Variants in PTPRT observed in about 807,000 individuals in gnomAD.
PTPRT encodes the protein protein tyrosine phosphatase receptor type T.
In PTPRT, 56 loss-of-function variants were observed where a neutral mutation model predicts 176.8. The observed-to-expected ratio is 0.32, with a 90% CI of 0.26 to 0.40. PTPRT has a LOEUF of 0.40. PTPRT is among the 10% of genes least tolerant of loss of function. PTPRT has a pLI of 1.00. For missense variants in PTPRT, 1,540 were observed against 1,908.2 expected, an observed-to-expected ratio of 0.81 and a Z score of 3.60; for synonymous variants, 783 against 739.0, an observed-to-expected ratio of 1.06 and a Z score of -0.96.
intron 1 of PTPRT, among the ~76,000 whole-genome samples, chr20:43,159,884 G>C (rs1421844201): frequency 6.6e-6 from 1 of 151,900 alleles, no homozygotes; most frequent in Non-Finnish European, 1.5e-5. Context: ...GGTCAAGATG[G>C]AGTCATTCCT....
intron 6 of PTPRT, among the ~76,000 whole-genome samples, chr20:42,724,960 T>C (rs1473578170): frequency 3.3e-5 from 5 of 152,030 alleles, no homozygotes; most frequent in Admixed American, 1.3e-4. Context: ...CCTTCTGCTA[T>C]GTGAGAGAAT....
At chr20:42,361,642 G>C (rs932246612) in intron 9 of PTPRT, among the ~76,000 whole-genome samples, 8 of 152,128 alleles carry the variant, frequency 5.3e-5, no homozygotes, top group Non-Finnish European at 1.0e-4. Flanking sequence ...AGATGCTCTA[G>C]ATTGACAGCC....
chr20:42,978,189 A>T (rs1216747863), intron 1 of PTPRT, among the ~76,000 whole-genome samples: 1 of 152,186 alleles, frequency 6.6e-6, no homozygotes, highest in Non-Finnish European at 1.5e-5. Context: ...TTTAACTTAT[A>T]AATTAGACAC....
chr20:42,080,855 C>T lies in PTPRT; in HGVS notation c.*24G>A, dbSNP rs73271412. ...CTTGGTCACAGCAGCCTCTGGACTC[C>T]GGCAGGTTCCCCATCCCATTGAGCT... On this transcript the variant is annotated 3_prime_UTR_variant, in exon 31 of 31. Transcript: ENST00000373187. 1,853 of 1,598,294 alleles carry T rather than the reference C, an allele frequency of 1.2e-3. 14 individuals carry two copies. In the African/African-American group the frequency reaches 0.021, roughly 18 times the overall value.
At chr20:42,120,189 G>A (rs542863032) in intron 19 of PTPRT, among the ~76,000 whole-genome samples, 1 of 152,282 alleles carries the variant, frequency 6.6e-6, no homozygotes, top group African/African-American at 2.4e-5. Flanking sequence ...TACTTGTGAG[G>A]TGCCTACATA....
chr20:42,497,497 G>T (rs1380172256), intron 7 of PTPRT, among the ~76,000 whole-genome samples: 2 of 151,872 alleles, frequency 1.3e-5, no homozygotes, highest in African/African-American at 4.8e-5. Flanking sequence ...TGCTCAGGCT[G>T]ACCTCAAACT....
chr20:42,488,125 CCAT>C (rs2071494950), intron 7 of PTPRT, among the ~76,000 whole-genome samples: 1 of 152,098 alleles, frequency 6.6e-6, no homozygotes, highest in African/African-American at 2.4e-5. Flanking sequence ...TGTGTTCTCT[CCAT>C]CATTTATCAA....
chr20:42,183,430 T>C (rs1006948506), intron 16 of PTPRT, among the ~76,000 whole-genome samples: 119 of 152,274 alleles, frequency 7.8e-4, no homozygotes, highest in African/African-American at 2.5e-3. Context: ...GGACTCTGGA[T>C]GTTAGGGAAT....
At chr20:42,744,277 C>T (rs939358020) in intron 6 of PTPRT, among the ~76,000 whole-genome samples, 3 of 152,242 alleles carry the variant, frequency 2.0e-5, no homozygotes, top group Non-Finnish European at 1.5e-5. Flanking sequence ...TCTCTAACCC[C>T]TTCCCATAAC....
chr20:42,183,808 A>G (rs1990618454), intron 16 of PTPRT, among the ~76,000 whole-genome samples: 2 of 152,190 alleles, frequency 1.3e-5, no homozygotes, highest in African/African-American at 4.8e-5. Context: ...ACACAGCAGA[A>G]GTGAAGCTGG....
intron 1 of PTPRT, among the ~76,000 whole-genome samples, chr20:43,131,849 CAAAAT>C (rs1342013245): frequency 1.3e-5 from 2 of 152,148 alleles, no homozygotes; most frequent in Admixed American, 1.3e-4. Context: ...CACAGGCTAT[CAAAAT>C]AAACACCATA....
chr20:42,220,632 G>C (rs2055864084), intron 15 of PTPRT, among the ~76,000 whole-genome samples: 1 of 152,084 alleles, frequency 6.6e-6, no homozygotes, highest in Non-Finnish European at 1.5e-5. Flanking sequence ...AATATAACAT[G>C]AAACATTGTT....
At chr20:42,131,321 C>T (rs896472185) in intron 18 of PTPRT, among the ~76,000 whole-genome samples, 3 of 152,112 alleles carry the variant, frequency 2.0e-5, no homozygotes, top group African/African-American at 7.2e-5. Context: ...AAGCTGTAGG[C>T]CTCAAAAAAG....
rs1173135889 is a variant in PTPRT at position 42,102,125 on chromosome 20, T to C, written c.3713A>G (p.Asp1238Gly). The change falls in exon 26 of 31, where the codon GAT (aspartate) becomes GGT (glycine). Residue 1238 changes from aspartate to glycine, a missense_variant and splice_region_variant. Around this residue, in one of 11 missense-constraint regions of PTPRT, gnomAD observed 342 missense variants for 394.0 expected, o/e 0.87. Transcript: ENST00000373187. ...GCTTTCTGCCCGGGCTCGGCTTACATCCATCAGTGCTGCGTTGATGTAATT... is the reference window on the plus strand; with the variant it reads ...GCTTTCTGCCCGGGCTCGGCTTACACCCATCAGTGCTGCGTTGATGTAATT... ...SSNYINAALMDSHKQPAAFVV... is the reference protein window; with the variant it reads ...SSNYINAALMGSHKQPAAFVV... 6.2e-7 allele frequency: 1 copy of C among 1,611,568 alleles called. No homozygotes were observed.
At chr20:43,094,390 T>C (rs2012028859) in intron 1 of PTPRT, among the ~76,000 whole-genome samples, 1 of 128,688 alleles carries the variant, frequency 7.8e-6, no homozygotes, top group Non-Finnish European at 1.6e-5. Flanking sequence ...CCGGCCTCTT[T>C]CTTTTTTTTT....
intron 1 of PTPRT, among the ~76,000 whole-genome samples, chr20:42,963,057 G>T (rs1449214635): frequency 6.6e-6 from 1 of 152,052 alleles, no homozygotes; most frequent in Admixed American, 6.6e-5. Context: ...AAAATTAGCC[G>T]GGCATGGTGG....
intron 11 of PTPRT, among the ~76,000 whole-genome samples, chr20:42,339,261 CA>C (rs917209798): frequency 6.6e-6 from 1 of 152,158 alleles, no homozygotes; most frequent in African/African-American, 2.4e-5. Flanking sequence ...TGTCAGCATG[CA>C]ACAACACAAC....
intron 7 of PTPRT, among the ~76,000 whole-genome samples, chr20:42,592,515 G>C (rs139598633): frequency 2.2e-4 from 33 of 152,322 alleles, no homozygotes; most frequent in African/African-American, 7.7e-4. Flanking sequence ...TGAGAGATAA[G>C]GAGCTGTTAA....
chr20:42,838,694 C>A (rs191289484), intron 2 of PTPRT, among the ~76,000 whole-genome samples: 41 of 152,356 alleles, frequency 2.7e-4, no homozygotes, highest in African/African-American at 9.9e-4. Context: ...GATTTTAAAC[C>A]TGATATGGGT....
Sources: allele counts gnomAD v4.1 joint callset (sites outside exome capture counted in the v4.1 genomes callset), GRCh38; gene constraint gnomAD v4.1.1; regional missense constraint gnomAD v4.1.1; transcripts MANE v1.5; gene names NCBI Gene and HGNC (gene_info 2026-07-23, HGNC 2026-07-21).